CPOX: variants seen among roughly 807,000 people sequenced by gnomAD.
The protein encoded by CPOX is coproporphyrinogen oxidase.
Under a neutral mutation model 48.9 loss-of-function variants are expected in CPOX, and 24 were observed. The ratio of observed to expected loss-of-function variants is 0.49; its 90% CI spans 0.36 to 0.69. CPOX has a LOEUF of 0.69. Ranked by LOEUF, CPOX falls within the 30% of genes least tolerant of loss-of-function variation. CPOX has a pLI of 0.00. For missense variants in CPOX, 549 were observed against 597.3 expected (o/e 0.92, Z 0.84); for synonymous variants, 249 against 234.6 (o/e 1.06, Z -0.56).
chr3:98,571,672 A>T, the CPOX span, among the ~76,000 whole-genome samples: 4 of 144,868 alleles, frequency 2.8e-5, no homozygotes, highest in Non-Finnish European at 4.5e-5. Flanking sequence ...TGGGCGACAG[A>T]GCGAGACTCC....
chr3:98,573,589 CAAAA>C, the CPOX span, among the ~76,000 whole-genome samples: 1 of 151,414 alleles, frequency 6.6e-6, no homozygotes, highest in East Asian at 1.9e-4. Context: ...AAAAAACAAA[CAAAA>C]AACCCCCTGC....
chr3:98,588,675 T>C, intron 4 of CPOX, 38 bp downstream of exon 4: 1 of 1,611,784 alleles, frequency 6.2e-7, no homozygotes, highest in African/African-American at 1.3e-5. Flanking sequence ...GAACAGAATG[T>C]AATTTTGGGG....
the CPOX span, among the ~76,000 whole-genome samples, chr3:98,571,504 C>G: frequency 2.6e-3 from 398 of 151,054 alleles, 1 homozygote; most frequent in African/African-American, 9.2e-3. Context: ...CCGGCTAAAA[C>G]GGTGAAACCC....
intron 4 of CPOX, among the ~76,000 whole-genome samples, chr3:98,586,124 G>C (rs980965648): frequency 6.6e-6 from 1 of 151,952 alleles, no homozygotes; most frequent in Non-Finnish European, 1.5e-5. Context: ...TGCCTGCCTC[G>C]GCCTCCCAAA....
chr3:98,577,148 G>A (rs918174281), downstream of CPOX, among the ~76,000 whole-genome samples: 3 of 152,012 alleles, frequency 2.0e-5, no homozygotes, highest in African/African-American at 7.3e-5. Flanking sequence ...GATATAATTT[G>A]GGGGAAGTTC....
intron 4 of CPOX, 132 bp from the exon 5 acceptor site, chr3:98,585,791 A>G (rs1707351000): frequency 4.0e-6 from 3 of 759,258 alleles, no homozygotes; most frequent in Non-Finnish European, 7.1e-6. Flanking sequence ...CTGTCCAACT[A>G]TGAAAATGAA....
intron 4 of CPOX, 46 bp from the exon 5 acceptor site, chr3:98,585,705 C>T: frequency 6.8e-7 from 1 of 1,466,712 alleles, no homozygotes; most frequent in Non-Finnish European, 9.6e-7. Context: ...TGGAAAAAAA[C>T]AGACATGAAA....
At chr3:98,591,620 T>G (rs1707480162) in intron 1 of CPOX, among the ~76,000 whole-genome samples, 1 of 152,232 alleles carries the variant, frequency 6.6e-6, no homozygotes. Context: ...AAACAGTAGG[T>G]AATCAAATTC....
chr3:98,573,102 T>C, the CPOX span, among the ~76,000 whole-genome samples: 1 of 152,194 alleles, frequency 6.6e-6, no homozygotes, highest in African/African-American at 2.4e-5. Context: ...TCCTCAATCT[T>C]TTTAGAATTA....
downstream of CPOX, among the ~76,000 whole-genome samples, chr3:98,577,399 T>C (rs1394471603): frequency 1.3e-5 from 2 of 152,096 alleles, no homozygotes; most frequent in Admixed American, 6.5e-5. Flanking sequence ...AGGGAGAGCA[T>C]TGCAAAAGTT....
In CPOX at chr3:98,580,206, G is replaced by C. The variant is rs1349780436; in HGVS notation, c.*477C>G. The C allele has an allele frequency of 1.4e-5, 14 of 995,764 alleles. No homozygotes were observed. The highest frequency in any genetic ancestry group is 1.7e-5 in the Non-Finnish European group (14 of 835,514). The allele number at this position is 995,764 out of a possible 1,614,324, so 61.7% of individuals were successfully genotyped here. On this transcript the variant is annotated 3_prime_UTR_variant, in exon 7 of 7. Transcript: ENST00000647941. Reference sequence around the variant, plus strand: ...TATAAGGATTACAGCAGAGACTTCAGTATTGACAAAGTAAAATTTTTACCT... The same window carrying C: ...TATAAGGATTACAGCAGAGACTTCACTATTGACAAAGTAAAATTTTTACCT...
At chr3:98,590,310 G>A (rs4857404) in intron 3 of CPOX, among the ~76,000 whole-genome samples, 1 of 152,168 alleles carries the variant, frequency 6.6e-6, no homozygotes, top group Non-Finnish European at 1.5e-5. Flanking sequence ...AGCACGCCCA[G>A]CTAAGTTTTT....
downstream of CPOX, chr3:98,579,333 T>C (rs897720741): frequency 5.1e-6 from 1 of 194,856 alleles, no homozygotes. Context: ...TGAAACTGCA[T>C]GCAGTAAGGA....
At chr3:98,589,514 A>AACACACACACAC (rs113400986) in intron 3 of CPOX, 23,762 of 151,786 alleles carry the variant, frequency 0.16, 2,475 homozygotes, top group African/African-American at 0.3. Flanking sequence ...GATCACAATA[A>AACACACACACAC]ACACACACAC....
At chr3:98,579,003 G>A (rs557206496), downstream of CPOX, among the ~76,000 whole-genome samples, 15 of 152,210 alleles carry the variant, frequency 9.9e-5, no homozygotes, top group African/African-American at 2.2e-4. Flanking sequence ...TTGCTTCTTC[G>A]CAGATTTTCT....
chr3:98,585,408 A>G, intron 5 of CPOX, 33 bp downstream of exon 5: 1 of 1,565,032 alleles, frequency 6.4e-7, no homozygotes, highest in Non-Finnish European at 8.8e-7. Flanking sequence ...TCCCCCACTT[A>G]GCCATGAAAG....
chr3:98,590,896 C>G, intron 2 of CPOX, 116 bp downstream of exon 2: 3 of 1,295,434 alleles, frequency 2.3e-6, no homozygotes, highest in South Asian at 2.5e-5. Context: ...TGTCAACGTG[C>G]GGCATATGAA....
the CPOX span, among the ~76,000 whole-genome samples, chr3:98,573,746 T>G: frequency 6.6e-6 from 1 of 152,232 alleles, no homozygotes; most frequent in Non-Finnish European, 1.5e-5. Flanking sequence ...ATGTATAAAC[T>G]AGGATCATTT....
In CPOX at chr3:98,579,888, T is replaced by C; in HGVS notation, c.*795A>G. ...GACATCCCTAGGATTATTCTTAGTCTCAACTTCCACACAGAGATGTCTGAA... is the reference window on the plus strand; with the variant it reads ...GACATCCCTAGGATTATTCTTAGTCCCAACTTCCACACAGAGATGTCTGAA... On this transcript the variant is annotated 3_prime_UTR_variant, in exon 7 of 7. Coordinates refer to ENST00000647941, the MANE Select transcript of CPOX (RefSeq NM_000097.7). 1 of 985,530 alleles carries C rather than the reference T, an allele frequency of 1.0e-6. No individual in the cohort carries two copies. 61.0% of individuals were successfully genotyped at this position (985,530 alleles called of 1,614,324 possible).
Sources: gnomAD v4.1 joint callset for allele counts (sites outside exome capture counted in the v4.1 genomes callset) on GRCh38, gnomAD v4.1.1 for gene constraint, MANE v1.5 for transcripts, NCBI Gene and HGNC (gene_info 2026-07-23, HGNC 2026-07-21) for gene names.